PLCE1: variants seen among roughly 807,000 people sequenced by gnomAD.
PLCE1 encodes 1-phosphatidylinositol 4,5-bisphosphate phosphodiesterase epsilon-1.
A neutral mutation model predicts 242.8 loss-of-function variants in PLCE1; 119 were observed. That is an observed-to-expected ratio of 0.49 (90% confidence interval 0.42 to 0.57). PLCE1 has a LOEUF of 0.57. PLCE1 is among the 20% of genes least tolerant of loss of function. The pLI is 0.00. For missense variants in PLCE1, 2,441 were observed against 2,788.8 expected, an observed-to-expected ratio of 0.88 and a Z score of 2.81; for synonymous variants, 945 against 1,017.4, an observed-to-expected ratio of 0.93 and a Z score of 1.35.
At chr10:94,030,073 T>G (rs1255624204) in intron 1 of PLCE1, among the ~76,000 whole-genome samples, 2 of 152,284 alleles carry the variant, frequency 1.3e-5, no homozygotes, top group East Asian at 3.9e-4. Flanking sequence ...CAGAAGACAT[T>G]TTTGCTGGGT....
intron 2 of PLCE1, among the ~76,000 whole-genome samples, chr10:94,085,532 C>T (rs1296084491): frequency 6.6e-6 from 1 of 152,148 alleles, no homozygotes; most frequent in African/African-American, 2.4e-5. Context: ...GCAGACAGGA[C>T]TGTTAGGAGG....
At chr10:94,252,586 T>G in intron 9 of PLCE1, 88 bp downstream of exon 9, 1 of 1,167,256 alleles carries the variant, frequency 8.6e-7, no homozygotes, top group East Asian at 2.5e-5. Flanking sequence ...TAAGGTTGTT[T>G]GGGTTGAGGA....
At chr10:94,190,347 G>T (rs899814587) in intron 4 of PLCE1, among the ~76,000 whole-genome samples, 11 of 152,152 alleles carry the variant, frequency 7.2e-5, no homozygotes, top group Non-Finnish European at 1.5e-5. Context: ...TGTGGCTCAT[G>T]CCTGTAATTT....
intron 2 of PLCE1, among the ~76,000 whole-genome samples, chr10:94,078,646 C>T (rs985501048): frequency 3.3e-5 from 5 of 152,060 alleles, no homozygotes; most frequent in Admixed American, 2.0e-4. Flanking sequence ...CCACCATGCC[C>T]GGATAATTTT....
At chr10:94,076,765 G>A (rs920567047) in intron 2 of PLCE1, among the ~76,000 whole-genome samples, 29 of 149,760 alleles carry the variant, frequency 1.9e-4, no homozygotes, top group Non-Finnish European at 3.7e-4. Context: ...GCTGGCAGCC[G>A]TGGGTGTCCC....
intron 3 of PLCE1, among the ~76,000 whole-genome samples, chr10:94,152,650 C>T (rs186842195): frequency 1.3e-5 from 2 of 152,244 alleles, no homozygotes; most frequent in East Asian, 1.9e-4. Flanking sequence ...GCTAATTGTA[C>T]GTCAGCCACG....
Position 94,297,082 on chromosome 10 carries a change from G to C in PLCE1, c.5168-1297G>C, listed in dbSNP as rs147048740. Among the ~76,000 whole-genome samples the C allele has an allele frequency of 6.1e-3, 933 of 152,216 alleles. 12 individuals carry two copies. Among genetic ancestry groups the C allele is most frequent in the African/African-American group, 0.021 (866 of 41,538 alleles). On this transcript the variant is annotated intron_variant, in intron 23 of 32. Transcript: ENST00000371380. ...AGGGTTTCACCATGTTAGCCAGGCTGGTCTCGAACTCTTGACCTCTGGTGA... is the reference window on the plus strand; with the variant it reads ...AGGGTTTCACCATGTTAGCCAGGCTCGTCTCGAACTCTTGACCTCTGGTGA...
intron 2 of PLCE1, among the ~76,000 whole-genome samples, chr10:94,090,737 C>T (rs2135362844): frequency 6.6e-6 from 1 of 152,300 alleles, no homozygotes; most frequent in East Asian, 1.9e-4. Flanking sequence ...TCGGTGAGCC[C>T]TTTCAGCCTA....
chr10:94,070,480 C>A (rs1389252392), intron 2 of PLCE1, among the ~76,000 whole-genome samples: 1 of 152,172 alleles, frequency 6.6e-6, no homozygotes, highest in Non-Finnish European at 1.5e-5. Context: ...CTCTCTTTCC[C>A]AGGAATGCTG....
intron 2 of PLCE1, chr10:94,105,839 T>C (rs1358094922): frequency 1.3e-5 from 2 of 152,210 alleles, no homozygotes. Flanking sequence ...CAAATAGCTC[T>C]TTTTTAAGGT....
At chr10:94,064,491 G>A (rs951978552) in intron 2 of PLCE1, among the ~76,000 whole-genome samples, 8 of 152,088 alleles carry the variant, frequency 5.3e-5, no homozygotes, top group African/African-American at 1.4e-4. Flanking sequence ...GCAGTGAGCC[G>A]AGATTGTACC....
At position 94,031,454 on chromosome 10, in the gene PLCE1, A is replaced by C; in HGVS notation, c.408A>C (p.Leu136Phe). 6.2e-7 allele frequency: 1 copy of C among 1,613,764 alleles called. No individual in the cohort carries two copies. Among genetic ancestry groups the C allele is most frequent in the Non-Finnish European group, 8.5e-7 (1 of 1,179,850 alleles). The change falls in exon 2 of 33, where the codon TTA (leucine) becomes TTC (phenylalanine). Residue 136 changes from leucine to phenylalanine, a missense_variant. Physicochemically the swap from Leu to Phe is conservative, Grantham distance 22 (BLOSUM62 0). Transcript: ENST00000371380. Reference sequence around the variant, plus strand: ...CTGTTGCTGAGGAAGACTTGTGTTTAGAAACTGGAATTCCTTCTCCACTGG... The same window carrying C: ...CTGTTGCTGAGGAAGACTTGTGTTTCGAAACTGGAATTCCTTCTCCACTGG... ...YNSVAEEDLC[L>F]ETGIPSPLER...
At chr10:94,125,193 C>G (rs1242878795) in intron 2 of PLCE1, among the ~76,000 whole-genome samples, 1 of 152,140 alleles carries the variant, frequency 6.6e-6, no homozygotes, top group Non-Finnish European at 1.5e-5. Context: ...TCTCATGAAG[C>G]TGACATTCTA....
At chr10:94,120,880 T>G (rs537213253) in intron 2 of PLCE1, 30 of 152,300 alleles carry the variant, frequency 2.0e-4, no homozygotes, top group African/African-American at 6.7e-4. Flanking sequence ...GAAAGCAACA[T>G]GGGGAACATG....
intron 3 of PLCE1, chr10:94,138,428 A>G (rs1271711273): frequency 2.4e-6 from 1 of 415,254 alleles, no homozygotes; most frequent in African/African-American, 2.1e-5. Flanking sequence ...GTATTATGCT[A>G]TTAACCACCC....
chr10:94,138,573 T>G (rs2046858120), intron 3 of PLCE1: 1 of 458,332 alleles, frequency 2.2e-6, no homozygotes, highest in East Asian at 6.0e-5. Flanking sequence ...TCAGTTAGGT[T>G]GCTTCAATCT....
intron 29 of PLCE1, among the ~76,000 whole-genome samples, chr10:94,320,412 G>A (rs754999183): frequency 2.6e-5 from 4 of 152,204 alleles, no homozygotes; most frequent in Non-Finnish European, 5.9e-5. Context: ...TTAATTAAAT[G>A]ATTGGGGCAA....
At chr10:94,086,923 T>G (rs1042503629) in intron 2 of PLCE1, among the ~76,000 whole-genome samples, 4 of 152,212 alleles carry the variant, frequency 2.6e-5, no homozygotes, top group African/African-American at 7.2e-5. Flanking sequence ...AAGTGGAATA[T>G]TCACATAGTG....
At position 94,030,533 on chromosome 10, in the gene PLCE1, A is replaced by T. The variant is rs182078825; in HGVS notation, c.-364-150A>T. On this transcript the variant is annotated intron_variant, in intron 1 of 32. Transcript: ENST00000371380. ...AAGCAGAAGTTCTGAAACATTAAAT[A>T]AAAAAAAAATACTAAAAACATAAAA... is the stretch of plus-strand genomic sequence containing the variant. 6.1e-3 allele frequency among the ~76,000 whole-genome samples: 866 copies of T among 142,538 alleles called. 7 individuals carry two copies. Among genetic ancestry groups the T allele is most frequent in the Admixed American group, 0.015 (214 of 14,578 alleles). The allele number at this position is 142,538 out of a possible 152,430, so 93.5% of individuals were successfully genotyped here. A position where few individuals can be genotyped will look rare whatever the true frequency, so the allele number is the denominator to read the frequency against.
Sources: allele counts gnomAD v4.1 joint callset (sites outside exome capture counted in the v4.1 genomes callset), GRCh38; gene constraint gnomAD v4.1.1; transcripts MANE v1.5; gene names NCBI Gene and HGNC (gene_info 2026-07-23, HGNC 2026-07-21).